Variants in SERPINB3 observed in about 807,000 individuals in gnomAD.
SERPINB3 encodes the protein serpin family B member 3.
SERPINB3 carries 33 observed loss-of-function variants against 33.0 expected under a neutral mutation model. The observed-to-expected ratio is 1.00, with a 90% confidence interval of 0.76 to 1.34. SERPINB3 has a LOEUF of 1.34. Ranked by LOEUF, SERPINB3 falls within the 40% of genes most tolerant of loss-of-function variation. SERPINB3 has a pLI of 0.00. For synonymous variants in SERPINB3, 200 were observed against 170.9 expected (o/e 1.17, Z -1.33); for missense variants, 518 against 461.5 (o/e 1.12, Z -1.12).
At position 63,656,728 on chromosome 18, in the gene SERPINB3, T is replaced by C. The variant is rs888411419; in HGVS notation, c.768+103A>G. On this transcript the variant is annotated intron_variant, in intron 7 of 7. Coordinates refer to ENST00000283752, the MANE Select transcript of SERPINB3 (RefSeq NM_006919.3). ...TCATTCCTCATTTAGAATTTTTCAT[T>C]ATTTTGAGGCAACTCGGTCACCAGC... 9 of 1,364,476 alleles carry C rather than the reference T, an allele frequency of 6.6e-6. No individual in the cohort carries two copies. In the African/African-American group the frequency reaches 8.7e-5, roughly 13 times the overall value. 84.5% of individuals were successfully genotyped at this position (1,364,476 alleles called of 1,614,324 possible). A position where few individuals can be genotyped will look rare whatever the true frequency, so the allele number is the denominator to read the frequency against.
At position 63,655,406 on chromosome 18, in the gene SERPINB3, T is replaced by C; in HGVS notation, c.*251A>G. On this transcript the variant is annotated 3_prime_UTR_variant, in exon 8 of 8. Transcript: ENST00000283752. ...ATTTAGAAGATACGGTATTAAGTGA[T>C]TCATCTTATTTTGGACATTTTTCCT... 1 of 439,554 alleles carries C rather than the reference T, an allele frequency of 2.3e-6. No homozygotes were observed. Among genetic ancestry groups the C allele is most frequent in the East Asian group, 3.5e-5 (1 of 28,870 alleles). The allele number at this position is 439,554 out of a possible 1,614,324, so 27.2% of individuals were successfully genotyped here.
chr18:63,656,308 T>G (rs903373461), intron 7 of SERPINB3, among the ~76,000 whole-genome samples: 1 of 152,224 alleles, frequency 6.6e-6, no homozygotes, highest in Non-Finnish European at 1.5e-5. Flanking sequence ...TACATATGTA[T>G]GTATACAACT....
chr18:63,655,295 T>A lies in SERPINB3; in HGVS notation c.*362A>T, dbSNP rs1456584807. 5.8e-6 allele frequency: 1 copy of A among 172,696 alleles called. No homozygotes were observed. Among genetic ancestry groups the A allele is most frequent in the Non-Finnish European group, 1.2e-5 (1 of 81,220 alleles). 10.7% of individuals were successfully genotyped at this position (172,696 alleles called of 1,614,324 possible). A position where few individuals can be genotyped will look rare whatever the true frequency, so the allele number is the denominator to read the frequency against. On this transcript the variant is annotated 3_prime_UTR_variant, in exon 8 of 8. Coordinates refer to ENST00000283752, the MANE Select transcript of SERPINB3 (RefSeq NM_006919.3). ...GGTATCACCTAAATTCAAAGAAATG[T>A]GTGTTTCTAGGTTGCTAAATTCAAA...
At chr18:63,658,839 A>G (rs1568171424) in intron 4 of SERPINB3, among the ~76,000 whole-genome samples, 1 of 152,282 alleles carries the variant, frequency 6.6e-6, no homozygotes, top group African/African-American at 2.4e-5. Flanking sequence ...ACCGAAGGTC[A>G]ATATCATCTG....
intron 1 of SERPINB3, 136 bp from the exon 2 acceptor site, chr18:63,661,378 C>T (rs1486864057): frequency 3.1e-5 from 30 of 952,792 alleles, no homozygotes; most frequent in East Asian, 1.0e-4. Context: ...TTATTTTTAA[C>T]GTTTCAATCT....
At position 63,655,899 on chromosome 18, in the gene SERPINB3, C is replaced by G; in HGVS notation, c.931G>C (p.Asp311His). ...TMGMVDIFNG[D>H]ADLSGMTGSR... is the part of the protein sequence containing the mutation. ...CCGGTCATGCCTGAGAGGTCTGCAT[C>G]CCCATTGAAGATATCCACCATTCCC... The change falls in exon 8 of 8, where the codon GAT (aspartate) becomes CAT (histidine). Residue 311 changes from aspartate (D) to histidine (H), a missense_variant. Transcript: ENST00000283752. 6.2e-7 allele frequency: 1 copy of G among 1,613,942 alleles called. No individual in the cohort carries two copies. The highest frequency in any genetic ancestry group is 8.5e-7 in the Non-Finnish European group (1 of 1,179,938).
rs541303345 is a variant in SERPINB3, at chr18:63,659,544, A to T, written c.223-17T>A. The stretch of plus-strand genomic sequence containing the variant: ...CCTATCAACCTTCAAACATCAAAAA[A>T]GGAGATCATTCAATTGCTGTATCAA... On this transcript the variant is annotated splice_polypyrimidine_tract_variant and intron_variant, in intron 3 of 7. Transcript: ENST00000283752. The T allele has an allele frequency of 6.2e-7, 1 of 1,613,182 alleles. No individual in the cohort carries two copies. Among genetic ancestry groups the T allele is most frequent in the Non-Finnish European group, 8.5e-7 (1 of 1,179,524 alleles).
At chr18:63,657,160 C>CA in intron 6 of SERPINB3, 110 bp downstream of exon 6, 4 of 900,884 alleles carry the variant, frequency 4.4e-6, no homozygotes, top group South Asian at 2.7e-5. Context: ...ACTAAAACAA[C>CA]AAAAAAACAG....
intron 6 of SERPINB3, 97 bp from the exon 7 acceptor site, chr18:63,657,083 A>C (rs1255708636): frequency 1.7e-6 from 2 of 1,160,588 alleles, no homozygotes; most frequent in East Asian, 2.6e-5. Flanking sequence ...TTAAGAAATA[A>C]TCCAAGAATG....
At position 63,655,525 on chromosome 18, in the gene SERPINB3, G is replaced by A. The variant is rs1913468056; in HGVS notation, c.*132C>T. The A allele has an allele frequency of 1.1e-6, 1 of 945,902 alleles. No homozygotes were observed. The highest frequency in any genetic ancestry group is 1.9e-5 in the South Asian group (1 of 51,744). The allele number at this position is 945,902 out of a possible 1,614,324, so 58.6% of individuals were successfully genotyped here. A position where few individuals can be genotyped will look rare whatever the true frequency, so the allele number is the denominator to read the frequency against. On this transcript the variant is annotated 3_prime_UTR_variant, in exon 8 of 8. Coordinates refer to ENST00000283752, the MANE Select transcript of SERPINB3 (RefSeq NM_006919.3). ...ATGCTATTTTAATCATTAAATTCTT[G>A]ATGATGACGATCATCATCAAGATGA... is the stretch of plus-strand genomic sequence containing the variant.
rs749040339 is a variant in SERPINB3 at position 63,659,526 on chromosome 18, A to T, written c.224T>A (p.Val75Asp). 1.2e-6 allele frequency: 2 copies of T among 1,613,524 alleles called. No individual in the cohort carries two copies. The highest frequency in any genetic ancestry group is 1.7e-4 in the Middle Eastern group (1 of 6,054). The change falls in exon 4 of 8, where the codon GTT (valine) becomes GAT (aspartate). Residue 75 changes from valine (V) to aspartate (D), a missense_variant and splice_region_variant. Val to Asp is a radical substitution (Grantham distance 152). Coordinates refer to ENST00000283752, the MANE Select transcript of SERPINB3 (RefSeq NM_006919.3). ...NTTGKAATYH[V>D]DRSGNVHHQF... ...GTGATGAACATTTCCTGACCTATCA[A>T]CCTTCAAACATCAAAAAAGGAGATC...
intron 7 of SERPINB3, 36 bp downstream of exon 7, chr18:63,656,795 G>A (rs779614657): frequency 1.3e-6 from 2 of 1,543,570 alleles, no homozygotes; most frequent in African/African-American, 1.4e-5. Flanking sequence ...AAAATGTCAG[G>A]CAGTAGAAGG....
Position 63,658,675 on chromosome 18 carries a change from G to A in SERPINB3, c.352-45C>T, listed in dbSNP as rs758003590. 4.9e-6 allele frequency: 7 copies of A among 1,424,714 alleles called. No homozygotes were observed. The Admixed American group carries it at 1.0e-4, about 21-fold the overall frequency. 88.3% of individuals were successfully genotyped at this position (1,424,714 alleles called of 1,614,324 possible). On this transcript the variant is annotated intron_variant, in intron 4 of 7. Coordinates refer to ENST00000283752, the MANE Select transcript of SERPINB3 (RefSeq NM_006919.3). Reference sequence around the variant, plus strand: ...AAAGTAGGAAGTAAGAGTAATTTATGTAACTATATATTACCAAATTTAGTT... The same window carrying A: ...AAAGTAGGAAGTAAGAGTAATTTATATAACTATATATTACCAAATTTAGTT...
chr18:63,655,980 A>T lies in SERPINB3; in HGVS notation c.850T>A (p.Leu284Ile), dbSNP rs749645035. 6.2e-7 allele frequency: 1 copy of T among 1,613,986 alleles called. No homozygotes were observed. Among genetic ancestry groups the T allele is most frequent in the East Asian group, 2.2e-5 (1 of 44,864 alleles). The change falls in exon 8 of 8, where the codon TTA (leucine) becomes ATA (isoleucine). Residue 284 changes from leucine to isoleucine, a missense_variant. Physicochemically the swap from Leu to Ile is conservative, Grantham distance 5. Coordinates refer to ENST00000283752, the MANE Select transcript of SERPINB3 (RefSeq NM_006919.3). ...NMRETRVDLHLPRFKVEESYD... is the reference protein window; with the variant it reads ...NMRETRVDLHIPRFKVEESYD... The stretch of plus-strand genomic sequence containing the variant: ...CTCTCTTCCACTTTGAACCGAGGTA[A>T]GTGTAAATCGACACGTGTCTCTCTC...
rs1161047551 is a variant in SERPINB3, at chr18:63,661,882, C to G, written c.-63G>C. The G allele has an allele frequency of 1.3e-5, 2 of 152,454 alleles. No homozygotes were observed. Among genetic ancestry groups the G allele is most frequent in the African/African-American group, 4.8e-5 (2 of 41,368 alleles). The allele number at this position is 152,454 out of a possible 1,614,324, so 9.4% of individuals were successfully genotyped here. Reference sequence around the variant, plus strand: ...GAGGAAGCAGAGGTGGGCAGAGAGGCTATGTGTGTCTGTGGAATGAAGGGT... The same window carrying G: ...GAGGAAGCAGAGGTGGGCAGAGAGGGTATGTGTGTCTGTGGAATGAAGGGT... On this transcript the variant is annotated 5_prime_UTR_variant, in exon 1 of 8. Coordinates refer to ENST00000283752, the MANE Select transcript of SERPINB3 (RefSeq NM_006919.3).
Position 63,656,035 on chromosome 18 carries a change from T to C in SERPINB3, c.795A>G (p.Lys265=). 1 of 1,613,742 alleles carries C rather than the reference T, an allele frequency of 6.2e-7. No homozygotes were observed. The highest frequency in any genetic ancestry group is 8.5e-7 in the Non-Finnish European group (1 of 1,179,782). Residue 265 remains lysine, a synonymous_variant, in exon 8 of 8, where the codon AAA becomes AAG. Transcript: ENST00000283752. ...QKLEEKLTAE[K]LMEWTSLQNM... Reference sequence around the variant, plus strand: ...TCTGCAAACTTGTCCATTCCATCAATTTCTCAGCAGTGAGTTTCTCTTCAA... The same window carrying C: ...TCTGCAAACTTGTCCATTCCATCAACTTCTCAGCAGTGAGTTTCTCTTCAA...
In SERPINB3 at chr18:63,656,808, G is replaced by T. The variant is rs758713585; in HGVS notation, c.768+23C>A. 3 of 1,568,238 alleles carry T rather than the reference G, an allele frequency of 1.9e-6. No homozygotes were observed. In the African/African-American group the frequency reaches 4.0e-5, roughly 21 times the overall value. On this transcript the variant is annotated intron_variant, in intron 7 of 7. Transcript: ENST00000283752. ...GAAAAATGTCAGGCAGTAGAAGGAA[G>T]AGTTGTAGATGCAAGTTCTTACCTT...
At chr18:63,656,542 T>G (rs190133787) in intron 7 of SERPINB3, among the ~76,000 whole-genome samples, 39 of 152,324 alleles carry the variant, frequency 2.6e-4, no homozygotes, top group Admixed American at 4.6e-4. Flanking sequence ...TAAACTTTCC[T>G]CACATTGCTA....
Position 63,655,958 on chromosome 18 carries a change from T to A in SERPINB3, c.872A>T (p.Glu291Val), listed in dbSNP as rs1329950348. 1 of 1,614,052 alleles carries A rather than the reference T, an allele frequency of 6.2e-7. No homozygotes were observed. Among genetic ancestry groups the A allele is most frequent in the East Asian group, 2.2e-5 (1 of 44,868 alleles). Residue 291 changes from glutamate (E) to valine (V), a missense_variant, in exon 8 of 8, where the codon GAG becomes GTG. By Grantham distance (121) the Glu-to-Val change is moderately radical. Coordinates refer to ENST00000283752, the MANE Select transcript of SERPINB3 (RefSeq NM_006919.3). ...DLHLPRFKVE[E>V]SYDLKDTLRT... ...CAACGTGTCCTTGAGGTCATAGCTC[T>A]CTTCCACTTTGAACCGAGGTAAGTG...
Sources: gnomAD v4.1 joint callset for allele counts (sites outside exome capture counted in the v4.1 genomes callset) on GRCh38, gnomAD v4.1.1 for gene constraint, MANE v1.5 for transcripts, NCBI Gene and HGNC (gene_info 2026-07-23, HGNC 2026-07-21) for gene names.